The following RPH3A variants were observed in gnomAD, a reference collection of about 807,000 sequenced individuals.
The protein encoded by RPH3A is rabphilin 3A.
In RPH3A, 48 loss-of-function variants were observed where a neutral mutation model predicts 102.2. That is an observed-to-expected ratio of 0.47 (90% CI 0.37 to 0.60). The LOEUF is 0.60. RPH3A is among the 20% of genes least tolerant of loss of function. The probability of loss-of-function intolerance (pLI) is 0.00; values close to 1 mark genes in which losing one functional copy is unlikely to be tolerated. For synonymous variants in RPH3A, 310 were observed against 324.3 expected, an observed-to-expected ratio of 0.96 and a Z score of 0.47; for missense variants, 781 against 910.1, an observed-to-expected ratio of 0.86 and a Z score of 1.83.
At chr12:112,894,535 T>G in intron 19 of RPH3A, 43 bp from the exon 20 acceptor site, 1 of 1,579,900 alleles carries the variant, frequency 6.3e-7, no homozygotes, top group Non-Finnish European at 8.7e-7. Context: ...CTGTTCTTAT[T>G]CATTAAACGT....
intron 6 of RPH3A, among the ~76,000 whole-genome samples, chr12:112,866,376 C>A (rs1318610643): frequency 6.6e-6 from 1 of 152,100 alleles, no homozygotes; most frequent in Admixed American, 6.5e-5. Flanking sequence ...GGGAGTTAAA[C>A]TTCTAGTCAT....
chr12:112,752,243 C>T (rs910786961), intron 1 of RPH3A, among the ~76,000 whole-genome samples: 1 of 152,094 alleles, frequency 6.6e-6, no homozygotes, highest in Non-Finnish European at 1.5e-5. Context: ...ATGTAAGATT[C>T]GTTTTCACTA....
chr12:112,709,801 A>C (rs1334085492), intron 1 of RPH3A, among the ~76,000 whole-genome samples: 1 of 152,124 alleles, frequency 6.6e-6, no homozygotes, highest in Admixed American at 6.5e-5. Flanking sequence ...GCAAGCATGA[A>C]GGTTCATTTA....
chr12:112,875,118 A>G lies in RPH3A; in HGVS notation c.831A>G (p.Arg277=), dbSNP rs769811419. The part of the protein sequence containing the change: ...LRRANSVQAS[R]PAPGSVQSPA... ...GGGCCAACTCAGTCCAGGCCTCCAGACCTGCCCCAGGCTCGGTGCAGAGCC... is the reference window on the plus strand; with the variant it reads ...GGGCCAACTCAGTCCAGGCCTCCAGGCCTGCCCCAGGCTCGGTGCAGAGCC... Residue 277 remains arginine, a synonymous_variant, in exon 11 of 22, where the codon AGA becomes AGG. Coordinates refer to ENST00000389385, the MANE Select transcript of RPH3A (RefSeq NM_001143854.2). 12 of 1,609,562 alleles carry G rather than the reference A, an allele frequency of 7.5e-6. No individual in the cohort carries two copies. Among genetic ancestry groups the G allele is most frequent in the Middle Eastern group, 1.7e-4 (1 of 6,056 alleles).
chr12:112,618,958 G>A (rs1228782064), intron 1 of RPH3A, among the ~76,000 whole-genome samples: 1 of 152,122 alleles, frequency 6.6e-6, no homozygotes, highest in African/African-American at 2.4e-5. Flanking sequence ...TATAATATTT[G>A]TCCTTTTGCG....
intron 1 of RPH3A, among the ~76,000 whole-genome samples, chr12:112,596,848 G>C (rs1029663919): frequency 1.3e-5 from 2 of 152,118 alleles, no homozygotes; most frequent in Non-Finnish European, 2.9e-5. Flanking sequence ...CCATGGTCAC[G>C]GGACATTTCT....
chr12:112,702,846 G>A (rs980135348), intron 1 of RPH3A, among the ~76,000 whole-genome samples: 1 of 152,224 alleles, frequency 6.6e-6, no homozygotes, highest in Non-Finnish European at 1.5e-5. Context: ...TCAAATTTTT[G>A]TATTAGGTTA....
At chr12:112,751,263 A>C (rs1407705653) in intron 1 of RPH3A, among the ~76,000 whole-genome samples, 2 of 152,206 alleles carry the variant, frequency 1.3e-5, no homozygotes, top group Non-Finnish European at 1.5e-5. Flanking sequence ...TGGGATAATG[A>C]AATGATGGAA....
intron 1 of RPH3A, among the ~76,000 whole-genome samples, chr12:112,645,062 A>G (rs2039918071): frequency 6.6e-6 from 1 of 152,210 alleles, no homozygotes. Flanking sequence ...AAAGTTGAGT[A>G]TTGTTCAGAT....
intron 1 of RPH3A, among the ~76,000 whole-genome samples, chr12:112,712,078 C>G (rs1461697663): frequency 6.6e-6 from 1 of 152,080 alleles, no homozygotes; most frequent in East Asian, 1.9e-4. Context: ...GTGATCTGCC[C>G]TCCTCAGCCT....
intron 1 of RPH3A, among the ~76,000 whole-genome samples, chr12:112,577,002 C>T (rs752084419): frequency 3.4e-5 from 5 of 147,420 alleles, no homozygotes; most frequent in Admixed American, 6.8e-5. Context: ...ACCTCCCGGG[C>T]TCAAGCTATC....
chr12:112,716,781 T>A (rs1017739629), intron 1 of RPH3A, among the ~76,000 whole-genome samples: 1 of 152,254 alleles, frequency 6.6e-6, no homozygotes, highest in Non-Finnish European at 1.5e-5. Context: ...TTAGTGGTCT[T>A]TTCCCATAAC....
upstream of RPH3A, among the ~76,000 whole-genome samples, chr12:112,786,750 TG>T (rs906318152): frequency 6.6e-6 from 1 of 152,150 alleles, no homozygotes; most frequent in Non-Finnish European, 1.5e-5. Flanking sequence ...CGATTTGCTA[TG>T]GGCTTCTTAA....
At chr12:112,584,982 G>A (rs1264570649) in intron 1 of RPH3A, among the ~76,000 whole-genome samples, 3 of 152,158 alleles carry the variant, frequency 2.0e-5, no homozygotes, top group Non-Finnish European at 4.4e-5. Flanking sequence ...CTCAAAAGTA[G>A]GAAAGCCCAC....
chr12:112,705,535 A>T (rs2040422066), intron 1 of RPH3A, among the ~76,000 whole-genome samples: 1 of 152,226 alleles, frequency 6.6e-6, no homozygotes, highest in Non-Finnish European at 1.5e-5. Flanking sequence ...TGTCCACTGC[A>T]GTGATAATTA....
upstream of RPH3A, among the ~76,000 whole-genome samples, chr12:112,789,019 C>T (rs900993762): frequency 2.5e-4 from 38 of 152,168 alleles, no homozygotes; most frequent in Middle Eastern, 3.4e-3. Flanking sequence ...ATTAGCCAGG[C>T]GTGGGGCGCA....
chr12:112,648,599 G>A (rs1348455776), intron 1 of RPH3A, among the ~76,000 whole-genome samples: 320 of 13,718 alleles, frequency 0.023, no homozygotes, highest in African/African-American at 0.027. Context: ...AAAAAAAAAA[G>A]CTAGGTGTTG....
chr12:112,779,699 C>A (rs2040993786), intron 1 of RPH3A, among the ~76,000 whole-genome samples: 1 of 152,142 alleles, frequency 6.6e-6, no homozygotes, highest in Non-Finnish European at 1.5e-5. Flanking sequence ...ATACCCATCA[C>A]ACCTCCACTG....
intron 15 of RPH3A, among the ~76,000 whole-genome samples, chr12:112,882,344 A>C (rs892239875): frequency 2.0e-5 from 3 of 151,948 alleles, no homozygotes; most frequent in Admixed American, 2.0e-4. Context: ...CTCTGGGGTT[A>C]ATTCTCCTCT....
Sources: allele counts gnomAD v4.1 joint callset (sites outside exome capture counted in the v4.1 genomes callset), GRCh38; gene constraint gnomAD v4.1.1; transcripts MANE v1.5; gene names NCBI Gene and HGNC (gene_info 2026-07-23, HGNC 2026-07-21).